The following DCDC1 variants were observed in gnomAD, a reference collection of about 807,000 sequenced individuals.
The protein encoded by DCDC1 is doublecortin domain-containing protein 1.
In DCDC1, 200 loss-of-function variants were observed where a neutral mutation model predicts 178.3. The observed-to-expected ratio is 1.12, with a 90% confidence interval of 1.00 to 1.26. DCDC1 has a LOEUF of 1.26. Ranked by LOEUF, DCDC1 falls within the 50% of genes most tolerant of loss-of-function variation. DCDC1 has a pLI of 0.00. For synonymous variants in DCDC1, 690 were observed against 604.8 expected, an observed-to-expected ratio of 1.14 and a Z score of -2.07; for missense variants, 1,983 against 1,749.2, an observed-to-expected ratio of 1.13 and a Z score of -2.38.
At chr11:31,145,480 T>C (rs777550022) in intron 9 of DCDC1, among the ~76,000 whole-genome samples, 7 of 152,236 alleles carry the variant, frequency 4.6e-5, no homozygotes, top group Non-Finnish European at 1.0e-4. Context: ...ATTCACACTC[T>C]GCTCTATAAG....
chr11:31,089,338 C>G (rs1008258390), intron 17 of DCDC1, among the ~76,000 whole-genome samples: 5 of 152,108 alleles, frequency 3.3e-5, no homozygotes, highest in African/African-American at 1.2e-4. Context: ...ACATAATACG[C>G]CTGTTCTCTC....
At chr11:30,975,665 G>T (rs1011012589) in intron 20 of DCDC1, among the ~76,000 whole-genome samples, 3 of 151,912 alleles carry the variant, frequency 2.0e-5, no homozygotes, top group Non-Finnish European at 4.4e-5. Context: ...CAAAGTGAAA[G>T]ACTTCTACAA....
In DCDC1 at chr11:30,881,157, C is replaced by G; in HGVS notation, c.5233+1G>C. On this transcript the variant is annotated splice_donor_variant, in intron 37 of 38. Transcript: ENST00000684477. LOFTEE classifies it high-confidence loss of function. ...GATGGAAAAGAAACTATCATGCATA[C>G]CTTTTGGGGTTTTGAAACCATGTCC... 6.2e-7 allele frequency: 1 copy of G among 1,612,964 alleles called. No individual in the cohort carries two copies. The highest frequency in any genetic ancestry group is 1.3e-5 in the African/African-American group (1 of 74,998).
At chr11:31,236,464 T>C (rs531954197) in intron 9 of DCDC1, among the ~76,000 whole-genome samples, 2 of 152,024 alleles carry the variant, frequency 1.3e-5, no homozygotes, top group Admixed American at 6.6e-5. Context: ...ACACCTTTTT[T>C]AAAAAGTGAC....
At chr11:31,079,696 G>GA (rs879876190) in intron 17 of DCDC1, among the ~76,000 whole-genome samples, 151 of 147,834 alleles carry the variant, frequency 1.0e-3, no homozygotes, top group Middle Eastern at 7.1e-3. Context: ...TGCTTGATGT[G>GA]AAAAAAAAAA....
intron 23 of DCDC1, among the ~76,000 whole-genome samples, chr11:30,924,597 C>A (rs1171608618): frequency 6.6e-6 from 1 of 151,932 alleles, no homozygotes; most frequent in Non-Finnish European, 1.5e-5. Flanking sequence ...ATAATTTTGT[C>A]CTGAAAAAGT....
intron 20 of DCDC1, among the ~76,000 whole-genome samples, chr11:31,049,448 A>T (rs1955092250): frequency 6.6e-6 from 1 of 152,218 alleles, no homozygotes; most frequent in African/African-American, 2.4e-5. Flanking sequence ...GAGACTGAAC[A>T]AATACATTCT....
intron 9 of DCDC1, among the ~76,000 whole-genome samples, chr11:31,234,374 A>G (rs1045214802): frequency 1.3e-5 from 2 of 152,224 alleles, no homozygotes; most frequent in African/African-American, 2.4e-5. Flanking sequence ...TTGTTGTAAG[A>G]TTGATGTTTA....
intron 20 of DCDC1, among the ~76,000 whole-genome samples, chr11:30,976,152 T>C (rs1950090579): frequency 6.6e-6 from 1 of 151,854 alleles, no homozygotes; most frequent in Admixed American, 6.6e-5. Context: ...AAATTGGATC[T>C]CCATATGCAG....
intron 38 of DCDC1, among the ~76,000 whole-genome samples, chr11:30,874,181 C>T (rs1941905106): frequency 6.6e-6 from 1 of 152,140 alleles, no homozygotes; most frequent in South Asian, 2.1e-4. Context: ...CAGCACTGTC[C>T]CTGGCAGGCC....
At chr11:31,088,894 T>G (rs1472303565) in intron 17 of DCDC1, among the ~76,000 whole-genome samples, 1 of 152,144 alleles carries the variant, frequency 6.6e-6, no homozygotes, top group East Asian at 1.9e-4. Context: ...AGAGATGGAA[T>G]TCCACATGTC....
chr11:31,005,937 A>G (rs528508022), intron 20 of DCDC1, among the ~76,000 whole-genome samples: 3 of 138,218 alleles, frequency 2.2e-5, no homozygotes, highest in Non-Finnish European at 4.6e-5. Flanking sequence ...CAACAGGCAT[A>G]TAGCTCTTAT....
At position 30,868,212 on chromosome 11, in the gene DCDC1, G is replaced by A. The variant is rs182500071; in HGVS notation, c.*41-2880C>T. Among the ~76,000 whole-genome samples, 9 of 151,384 alleles carry A rather than the reference G, an allele frequency of 5.9e-5. No homozygotes were observed. The East Asian group carries it at 1.7e-3, about 29-fold the overall frequency. ...CTATAACTGCAATTTAGTAGAGGGG[G>A]AGGGGTGCATCCATGCTCTTTCATA... On this transcript the variant is annotated intron_variant, in intron 38 of 38. Coordinates refer to ENST00000684477, the MANE Select transcript of DCDC1 (RefSeq NM_001387274.1).
intron 8 of DCDC1, among the ~76,000 whole-genome samples, chr11:31,248,956 T>C (rs1943770988): frequency 6.6e-6 from 1 of 152,162 alleles, no homozygotes; most frequent in African/African-American, 2.4e-5. Context: ...TTTGTTTTCA[T>C]TGGCAATTAT....
intron 20 of DCDC1, among the ~76,000 whole-genome samples, chr11:30,971,562 C>T (rs188812002): frequency 6.8e-6 from 1 of 146,534 alleles, no homozygotes; most frequent in African/African-American, 2.6e-5. Flanking sequence ...AAGAGTATGT[C>T]ATGTAGAAGA....
intron 9 of DCDC1, among the ~76,000 whole-genome samples, chr11:31,198,302 C>A (rs1220180491): frequency 6.6e-6 from 1 of 152,012 alleles, no homozygotes; most frequent in Non-Finnish European, 1.5e-5. Context: ...AGAAAAATGT[C>A]TATGGCAACA....
At chr11:31,305,364 C>T (rs1948386052) in intron 6 of DCDC1, among the ~76,000 whole-genome samples, 1 of 152,062 alleles carries the variant, frequency 6.6e-6, no homozygotes, top group Non-Finnish European at 1.5e-5. Context: ...ACCATTTAAC[C>T]TCCTGCAGGC....
At chr11:30,924,799 G>A (rs1946492134) in intron 23 of DCDC1, among the ~76,000 whole-genome samples, 2 of 152,202 alleles carry the variant, frequency 1.3e-5, no homozygotes, top group African/African-American at 2.4e-5. Context: ...TCGGCCGGGC[G>A]CGGTGGCCCA....
intron 7 of DCDC1, among the ~76,000 whole-genome samples, chr11:31,266,770 T>C (rs943243388): frequency 1.3e-5 from 2 of 152,218 alleles, no homozygotes; most frequent in African/African-American, 4.8e-5. Flanking sequence ...AACCAATTCA[T>C]TAGCTTTGTG....
Sources: gnomAD v4.1 joint callset for allele counts (sites outside exome capture counted in the v4.1 genomes callset) on GRCh38, gnomAD v4.1.1 for gene constraint, MANE v1.5 for transcripts, NCBI Gene and HGNC (gene_info 2026-07-23, HGNC 2026-07-21) for gene names.